The following RASGRF2 variants were observed in gnomAD, a reference collection of about 807,000 sequenced individuals.
RASGRF2 encodes the protein ras-specific guanine nucleotide-releasing factor 2.
A neutral mutation model predicts 151.0 loss-of-function variants in RASGRF2; 76 were observed. The observed-to-expected ratio is 0.50, with a 90% CI of 0.42 to 0.61. The LOEUF (loss-of-function observed/expected upper bound fraction) is 0.61. Among genes scored for constraint, RASGRF2 ranks in the 20% least tolerant of loss-of-function variants. The pLI, the probability that RASGRF2 is intolerant of heterozygous loss-of-function variation, is 0.00. For synonymous variants in RASGRF2, 504 were observed against 566.5 expected (o/e 0.89, Z 1.57); for missense variants, 1,148 against 1,564.6 (o/e 0.73, Z 4.49).
chr5:81,080,812 T>C, intron 7 of RASGRF2, 23 bp downstream of exon 7: 1 of 1,604,008 alleles, frequency 6.2e-7, no homozygotes, highest in Non-Finnish European at 8.5e-7. Flanking sequence ...GGATGCATTT[T>C]GTAAGTCAGA....
chr5:81,142,559 A>T (rs1753909511), intron 17 of RASGRF2, among the ~76,000 whole-genome samples: 1 of 152,120 alleles, frequency 6.6e-6, no homozygotes, highest in South Asian at 2.1e-4. Flanking sequence ...ATTTTGGTGT[A>T]GCCCACCCTT....
chr5:81,152,377 T>G (rs187033828), intron 17 of RASGRF2, among the ~76,000 whole-genome samples: 1 of 152,022 alleles, frequency 6.6e-6, no homozygotes, highest in African/African-American at 2.4e-5. Context: ...GCTAATAATT[T>G]GAAGTTGTCA....
In RASGRF2 at chr5:81,094,954, C is replaced by T. The variant is rs763978778; in HGVS notation, c.1717C>T (p.Arg573Cys). 5.7e-6 allele frequency: 9 copies of T among 1,585,724 alleles called. No homozygotes were observed. The highest frequency in any genetic ancestry group is 3.5e-5 in the South Asian group (3 of 86,870). The change falls in exon 12 of 27, where the codon CGC becomes TGC. Residue 573 changes from arginine (R) to cysteine (C), a missense_variant. Transcript: ENST00000265080. ...AFTVVLLAPS[R>C]QEKAAWMSDI... The stretch of plus-strand genomic sequence containing the variant: ...CACTGTTGTCTTGTTAGCACCCTCA[C>T]GCCAGGAGAAAGCTGCCTGGATGAG...
At chr5:81,109,298 T>G (rs1752932651) in intron 13 of RASGRF2, among the ~76,000 whole-genome samples, 1 of 152,246 alleles carries the variant, frequency 6.6e-6, no homozygotes, top group Non-Finnish European at 1.5e-5. Flanking sequence ...AAAAATTGTT[T>G]TTTATACTGT....
At chr5:81,041,163 G>A (rs1054265330) in intron 1 of RASGRF2, among the ~76,000 whole-genome samples, 1 of 152,022 alleles carries the variant, frequency 6.6e-6, no homozygotes. Context: ...GTAGCCAGGC[G>A]TGGTGGCACA....
chr5:81,076,109 G>A (rs1034709848), intron 5 of RASGRF2, among the ~76,000 whole-genome samples: 4 of 152,172 alleles, frequency 2.6e-5, no homozygotes, highest in Admixed American at 6.5e-5. Context: ...TTAACAACTC[G>A]GAGTTTAATG....
chr5:80,979,875 CGAT>C (rs1486907174), intron 1 of RASGRF2, among the ~76,000 whole-genome samples: 2 of 152,092 alleles, frequency 1.3e-5, no homozygotes, highest in African/African-American at 4.8e-5. Flanking sequence ...GAAAGATGGC[CGAT>C]GTTAGTACCA....
intron 17 of RASGRF2, among the ~76,000 whole-genome samples, chr5:81,154,910 A>G (rs1221299979): frequency 6.6e-6 from 1 of 152,196 alleles, no homozygotes; most frequent in African/African-American, 2.4e-5. Context: ...AATAGTGCAC[A>G]GAGTTCCCCT....
At chr5:81,114,335 G>A (rs1334473114) in intron 15 of RASGRF2, among the ~76,000 whole-genome samples, 1 of 152,178 alleles carries the variant, frequency 6.6e-6, no homozygotes. Flanking sequence ...TTTGCCTTAG[G>A]TACCTGTGTA....
At chr5:81,193,319 G>T (rs936315067) in intron 18 of RASGRF2, among the ~76,000 whole-genome samples, 2 of 152,136 alleles carry the variant, frequency 1.3e-5, no homozygotes, top group African/African-American at 2.4e-5. Context: ...CTTTGCAGAT[G>T]ATTTTTCTGG....
intron 1 of RASGRF2, among the ~76,000 whole-genome samples, chr5:80,990,436 G>T (rs1748613691): frequency 6.6e-6 from 1 of 152,130 alleles, no homozygotes; most frequent in South Asian, 2.1e-4. Context: ...AGTGAAAGGA[G>T]TCGGGAGGGG....
chr5:81,036,793 G>C (rs759643899), intron 1 of RASGRF2, among the ~76,000 whole-genome samples: 46 of 152,012 alleles, frequency 3.0e-4, no homozygotes, highest in Non-Finnish European at 5.4e-4. Context: ...ACATTCCTGT[G>C]TTGGAACCAT....
chr5:81,048,181 T>C (rs535941354), intron 2 of RASGRF2, among the ~76,000 whole-genome samples: 2 of 152,198 alleles, frequency 1.3e-5, no homozygotes, highest in Non-Finnish European at 2.9e-5. Flanking sequence ...ACAGTGATGT[T>C]ATAGCCTAAA....
At chr5:81,045,149 G>T (rs1266844810) in intron 2 of RASGRF2, among the ~76,000 whole-genome samples, 1 of 152,182 alleles carries the variant, frequency 6.6e-6, no homozygotes, top group African/African-American at 2.4e-5. Flanking sequence ...GATGAAAGAA[G>T]CATCAAGCTG....
intron 1 of RASGRF2, among the ~76,000 whole-genome samples, chr5:81,024,668 G>T (rs758411738): frequency 2.0e-5 from 3 of 152,208 alleles, no homozygotes; most frequent in Non-Finnish European, 2.9e-5. Flanking sequence ...ACAACTGGAA[G>T]AACTCTGTTT....
chr5:81,031,193 T>A (rs1750232095), intron 1 of RASGRF2, among the ~76,000 whole-genome samples: 1 of 152,038 alleles, frequency 6.6e-6, no homozygotes, highest in Non-Finnish European at 1.5e-5. Context: ...TCCCACACAA[T>A]AATAATGGGA....
At chr5:81,136,708 G>C (rs1338563950) in intron 17 of RASGRF2, among the ~76,000 whole-genome samples, 1 of 152,018 alleles carries the variant, frequency 6.6e-6, no homozygotes, top group Non-Finnish European at 1.5e-5. Flanking sequence ...ATATTTCTTT[G>C]ACTCAGTTCT....
chr5:80,963,668 G>T (rs1158800846), intron 1 of RASGRF2, among the ~76,000 whole-genome samples: 1 of 152,190 alleles, frequency 6.6e-6, no homozygotes, highest in African/African-American at 2.4e-5. Flanking sequence ...AGGACAAGCA[G>T]GTGATTGAAG....
intron 17 of RASGRF2, among the ~76,000 whole-genome samples, chr5:81,151,661 A>C (rs760374732): frequency 6.6e-6 from 1 of 152,002 alleles, no homozygotes; most frequent in Admixed American, 6.6e-5. Context: ...CACTTCTGCT[A>C]TTTTCTTACT....
Sources: allele counts gnomAD v4.1 joint callset (sites outside exome capture counted in the v4.1 genomes callset), GRCh38; gene constraint gnomAD v4.1.1; transcripts MANE v1.5; gene names NCBI Gene and HGNC (gene_info 2026-07-23, HGNC 2026-07-21).